The following NFS1 variants were observed in gnomAD, a reference collection of about 807,000 sequenced individuals.
NFS1 encodes NFS1 cysteine desulfurase.
A neutral mutation model predicts 57.3 loss-of-function variants in NFS1; 26 were observed. The ratio of observed to expected loss-of-function variants is 0.45; its 90% CI spans 0.33 to 0.63. The LOEUF (loss-of-function observed/expected upper bound fraction) is 0.63, where lower values mean the gene tolerates loss of function less well. Among genes scored for constraint, NFS1 ranks in the 20% least tolerant of loss-of-function variants. The probability of loss-of-function intolerance (pLI) is 0.02; values close to 1 mark genes in which losing one functional copy is unlikely to be tolerated. For synonymous variants in NFS1, 209 were observed against 216.3 expected (o/e 0.97, Z 0.30); for missense variants, 505 against 605.8 (o/e 0.83, Z 1.75).
intron 4 of NFS1, among the ~76,000 whole-genome samples, 171 bp downstream of exon 4, chr20:35,696,206 T>G (rs1483362761): frequency 6.6e-6 from 1 of 151,124 alleles, no homozygotes; most frequent in Admixed American, 6.6e-5. Flanking sequence ...TAAGAAAGAG[T>G]AGACTGCAAA....
intron 11 of NFS1, 148 bp from the exon 12 acceptor site, chr20:35,672,992 A>C (rs2034682306): frequency 1.7e-6 from 1 of 603,596 alleles, no homozygotes. Flanking sequence ...TTCTCAGAAC[A>C]TGGTATATGG....
At chr20:35,676,328 C>T (rs2034742920) in intron 7 of NFS1, 1 of 151,888 alleles carries the variant, frequency 6.6e-6, no homozygotes, top group Middle Eastern at 3.4e-3. Flanking sequence ...TGGCTCACAC[C>T]TGTAATCCCA....
rs993650102 is a variant in NFS1 at position 35,669,561 on chromosome 20, T to C, written c.*61A>G. ...CCACTAGGTGTAACAAGGTGTCTGG[T>C]TGTGCACGGGTTGGTGAGGCAGGAG... On this transcript the variant is annotated 3_prime_UTR_variant, in exon 13 of 13. Coordinates refer to ENST00000374092, the MANE Select transcript of NFS1 (RefSeq NM_021100.5). The C allele has an allele frequency of 1.0e-5, 15 of 1,478,532 alleles. No individual in the cohort carries two copies. Among genetic ancestry groups the C allele is most frequent in the South Asian group, 2.3e-5 (2 of 88,140 alleles). 91.6% of individuals were successfully genotyped at this position (1,478,532 alleles called of 1,614,324 possible).
chr20:35,670,973 T>A (rs1380139728), intron 12 of NFS1, among the ~76,000 whole-genome samples: 1 of 152,048 alleles, frequency 6.6e-6, no homozygotes, highest in Non-Finnish European at 1.5e-5. Context: ...AAAGTCAAGG[T>A]TAACCAAGAC....
chr20:35,688,665 T>C (rs1022404260), intron 5 of NFS1, among the ~76,000 whole-genome samples: 1 of 150,464 alleles, frequency 6.6e-6, no homozygotes, highest in African/African-American at 2.5e-5. Flanking sequence ...GCTATGACCA[T>C]ACCACTGCAC....
intron 7 of NFS1, among the ~76,000 whole-genome samples, chr20:35,678,396 C>T (rs550906601): frequency 1.3e-5 from 2 of 151,758 alleles, no homozygotes; most frequent in African/African-American, 4.8e-5. Flanking sequence ...GGCGTGGTGG[C>T]AGGCACCTGT....
Position 35,668,545 on chromosome 20 carries a change from T to C in NFS1, c.*1077A>G, listed in dbSNP as rs759478150. The C allele has an allele frequency of 6.6e-6, 1 of 152,194 alleles. No individual in the cohort carries two copies. The highest frequency in any genetic ancestry group is 1.5e-5 in the Non-Finnish European group (1 of 68,032). 9.4% of individuals were successfully genotyped at this position (152,194 alleles called of 1,614,324 possible). A position where few individuals can be genotyped will look rare whatever the true frequency, so the allele number is the denominator to read the frequency against. Reference sequence around the variant, plus strand: ...CACTTCAGGCCCTTAGCTCTTGCCATTCCTTCTCACCTCTCATTTCTAGAT... The same window carrying C: ...CACTTCAGGCCCTTAGCTCTTGCCACTCCTTCTCACCTCTCATTTCTAGAT... On this transcript the variant is annotated 3_prime_UTR_variant, in exon 13 of 13. Transcript: ENST00000374092.
chr20:35,674,712 G>A lies in NFS1; in HGVS notation c.949-95C>T, dbSNP rs1374837224. ...TTCTCCTATAACTGGAAGTGACTATGTATCAGCCCCACCTATCATCCTATG... is the reference window on the plus strand; with the variant it reads ...TTCTCCTATAACTGGAAGTGACTATATATCAGCCCCACCTATCATCCTATG... On this transcript the variant is annotated intron_variant, in intron 8 of 12. Coordinates refer to ENST00000374092, the MANE Select transcript of NFS1 (RefSeq NM_021100.5). 9 of 950,826 alleles carry A rather than the reference G, an allele frequency of 9.5e-6. No homozygotes were observed. The East Asian group carries it at 2.2e-4, about 23-fold the overall frequency. 58.9% of individuals were successfully genotyped at this position (950,826 alleles called of 1,614,324 possible).
At chr20:35,670,622 C>T (rs1252770088) in intron 12 of NFS1, among the ~76,000 whole-genome samples, 4 of 152,102 alleles carry the variant, frequency 2.6e-5, no homozygotes, top group Non-Finnish European at 4.4e-5. Context: ...TTATTATAGG[C>T]TCACAAAATA....
At chr20:35,687,889 G>A (rs1167031632) in intron 5 of NFS1, among the ~76,000 whole-genome samples, 1 of 152,182 alleles carries the variant, frequency 6.6e-6, no homozygotes, top group African/African-American at 2.4e-5. Context: ...CTTGAGTCCA[G>A]GAGTTCACCA....
Position 35,698,492 on chromosome 20 carries a change from T to A in NFS1, c.196A>T (p.Thr66Ser), listed in dbSNP as rs1174291495. The change falls in exon 2 of 13, where the codon ACA becomes TCA. Residue 66 changes from threonine (T) to serine (S), a missense_variant. Coordinates refer to ENST00000374092, the MANE Select transcript of NFS1 (RefSeq NM_021100.5). ...AGCTTCATCCTTACCAGAGGAGTTG[T>A]AGCTTGCACATCCATATAGAGAGGT... is the stretch of plus-strand genomic sequence containing the variant. ...LRPLYMDVQA[T>S]TPLDPRVLDA... The A allele has an allele frequency of 1.9e-6, 3 of 1,610,364 alleles. No homozygotes were observed. The highest frequency in any genetic ancestry group is 2.5e-6 in the Non-Finnish European group (3 of 1,178,248).
At chr20:35,684,284 G>C (rs35075746) in intron 5 of NFS1, among the ~76,000 whole-genome samples, 3,029 of 151,720 alleles carry the variant, frequency 0.02, 54 homozygotes, top group South Asian at 0.036. Context: ...GGCGCCTATA[G>C]TTCCAGCTAC....
chr20:35,678,165 C>A (rs1359023031), intron 7 of NFS1, among the ~76,000 whole-genome samples: 1 of 150,556 alleles, frequency 6.6e-6, no homozygotes, highest in African/African-American at 2.4e-5. Flanking sequence ...CTGGCTAACA[C>A]AGTGAAACCC....
intron 5 of NFS1, among the ~76,000 whole-genome samples, chr20:35,689,676 A>G (rs1178358470): frequency 2.0e-5 from 3 of 151,890 alleles, no homozygotes; most frequent in African/African-American, 7.3e-5. Flanking sequence ...AGGCCGAGGC[A>G]GGGGAGTCGC....
At chr20:35,678,473 A>G (rs555585638) in intron 7 of NFS1, among the ~76,000 whole-genome samples, 1 of 150,848 alleles carries the variant, frequency 6.6e-6, no homozygotes, top group African/African-American at 2.4e-5. Context: ...GGTTGCAGTG[A>G]GCCGAGATCT....
At chr20:35,694,196 T>C (rs2035091733) in intron 4 of NFS1, among the ~76,000 whole-genome samples, 1 of 149,728 alleles carries the variant, frequency 6.7e-6, no homozygotes, top group Admixed American at 6.7e-5. Context: ...TACAGTGCAA[T>C]GGCGCAATCT....
chr20:35,680,629 G>T, intron 7 of NFS1, 108 bp downstream of exon 7: 1 of 999,676 alleles, frequency 1.0e-6, no homozygotes, highest in Non-Finnish European at 1.4e-6. Context: ...GACTCTGAAT[G>T]TACAACTTCC....
At position 35,669,423 on chromosome 20, in the gene NFS1, G is replaced by T; in HGVS notation, c.*199C>A. The T allele has an allele frequency of 1.8e-6, 1 of 551,398 alleles. No individual in the cohort carries two copies. The highest frequency in any genetic ancestry group is 3.3e-6 in the Non-Finnish European group (1 of 303,076). 34.2% of individuals were successfully genotyped at this position (551,398 alleles called of 1,614,324 possible). On this transcript the variant is annotated 3_prime_UTR_variant, in exon 13 of 13. Transcript: ENST00000374092. ...CACACTTTAAGACCCGAGAAGAAAT[G>T]GGGAGTGCTCCACACCCAAGGAACT...
chr20:35,673,502 C>T (rs943178534), intron 11 of NFS1, 99 bp downstream of exon 11: 19 of 993,332 alleles, frequency 1.9e-5, no homozygotes, highest in Non-Finnish European at 3.0e-5. Context: ...GAGAACTCGA[C>T]TGAGAAAAAC....
Sources: allele counts gnomAD v4.1 joint callset (sites outside exome capture counted in the v4.1 genomes callset), GRCh38; gene constraint gnomAD v4.1.1; transcripts MANE v1.5; gene names NCBI Gene and HGNC (gene_info 2026-07-23, HGNC 2026-07-21).